Variants in DOCK8 observed in about 807,000 individuals in gnomAD.
DOCK8 encodes the protein dedicator of cytokinesis 8.
In DOCK8, 141 loss-of-function variants were observed where a neutral mutation model predicts 245.6. The observed-to-expected ratio is 0.57, with a 90% CI of 0.50 to 0.66. The LOEUF is 0.66. Ranked by LOEUF, DOCK8 falls within the 30% of genes least tolerant of loss-of-function variation. The probability of loss-of-function intolerance (pLI) is 0.00; values close to 1 mark genes in which losing one functional copy is unlikely to be tolerated. For missense variants in DOCK8, 2,965 were observed against 2,603.4 expected (o/e 1.14, Z -3.02); for synonymous variants, 1,168 against 970.2 (o/e 1.20, Z -3.79).
chr9:236,786 C>G (rs2047260448), intron 1 of DOCK8, among the ~76,000 whole-genome samples: 1 of 152,186 alleles, frequency 6.6e-6, no homozygotes, highest in Non-Finnish European at 1.5e-5. Context: ...CTCAGGGACC[C>G]AGGCTGCTTC....
At chr9:361,436 A>C (rs1005388413) in intron 14 of DOCK8, among the ~76,000 whole-genome samples, 1 of 152,192 alleles carries the variant, frequency 6.6e-6, no homozygotes, top group African/African-American at 2.4e-5. Flanking sequence ...CATCTTAATT[A>C]GTATCATACT....
At chr9:327,410 T>G (rs906664576) in intron 8 of DOCK8, among the ~76,000 whole-genome samples, 3 of 151,300 alleles carry the variant, frequency 2.0e-5, no homozygotes, top group African/African-American at 4.9e-5. Context: ...TTTTTTTTTT[T>G]TGAGTCAGGG....
chr9:400,636 C>A (rs111216805), intron 26 of DOCK8, among the ~76,000 whole-genome samples: 87 of 129,204 alleles, frequency 6.7e-4, no homozygotes, highest in Non-Finnish European at 7.5e-4. Context: ...TCACCACCAC[C>A]TCCACCATCA....
intron 1 of DOCK8, among the ~76,000 whole-genome samples, chr9:242,356 G>T (rs1023591730): frequency 1.1e-4 from 16 of 152,104 alleles, no homozygotes; most frequent in African/African-American, 3.6e-4. Flanking sequence ...GTCTACTGTG[G>T]AATGCTTATA....
chr9:400,034 C>CCATCACCACCACCACCGCCACCAT (rs1308908218), intron 26 of DOCK8, among the ~76,000 whole-genome samples: 8 of 91,924 alleles, frequency 8.7e-5, no homozygotes, highest in African/African-American at 3.4e-4. Flanking sequence ...TCCACCATCA[C>CCATCACCACCACCACCGCCACCAT]CACCACCACC....
At chr9:362,011 G>C (rs559440474) in intron 14 of DOCK8, among the ~76,000 whole-genome samples, 1 of 152,092 alleles carries the variant, frequency 6.6e-6, no homozygotes, top group Non-Finnish European at 1.5e-5. Context: ...GCAGCAGCAA[G>C]GGTTGTTCGA....
chr9:311,695 C>A (rs920598379), intron 5 of DOCK8, among the ~76,000 whole-genome samples: 2 of 152,146 alleles, frequency 1.3e-5, no homozygotes, highest in Non-Finnish European at 2.9e-5. Flanking sequence ...GTTTTTAGTC[C>A]TTTCCTCAGG....
intron 14 of DOCK8, among the ~76,000 whole-genome samples, chr9:346,304 C>G (rs1586758888): frequency 6.6e-6 from 1 of 152,222 alleles, no homozygotes; most frequent in East Asian, 1.9e-4. Flanking sequence ...GACCCAACAG[C>G]TGGTACTAGA....
chr9:368,316 C>G, intron 15 of DOCK8, 181 bp downstream of exon 15: 1 of 743,348 alleles, frequency 1.3e-6, no homozygotes. Flanking sequence ...TCTTACTTGA[C>G]GATCTCTTTC....
At chr9:459,775 T>A (rs1231921022) in intron 46 of DOCK8, 1 of 152,366 alleles carries the variant, frequency 6.6e-6, no homozygotes, top group Non-Finnish European at 1.5e-5. Context: ...CAGCAGGGGC[T>A]CCTCCTCTCT....
At chr9:371,611 C>T in intron 17 of DOCK8, 45 bp downstream of exon 17, 1 of 1,613,018 alleles carries the variant, frequency 6.2e-7, no homozygotes, top group African/African-American at 1.3e-5. Context: ...GTTGTTGGTG[C>T]ATCTGAGGTC....
intron 39 of DOCK8, 27 bp from the exon 40 acceptor site, chr9:439,218 C>G (rs1431986540): frequency 3.2e-5 from 51 of 1,614,114 alleles, no homozygotes; most frequent in Non-Finnish European, 4.2e-5. Flanking sequence ...GCCCTGTTCT[C>G]CAGGCTTATA....
At chr9:272,940 T>G (rs1295025815) in intron 2 of DOCK8, 2 of 668,474 alleles carry the variant, frequency 3.0e-6, no homozygotes, top group African/African-American at 3.9e-5. Context: ...TTGCTGGTTC[T>G]GCTGCTTATC....
At chr9:344,188 C>G (rs564221573) in intron 14 of DOCK8, among the ~76,000 whole-genome samples, 3 of 152,308 alleles carry the variant, frequency 2.0e-5, no homozygotes, top group African/African-American at 7.2e-5. Flanking sequence ...GAAGAGATTT[C>G]TCTCCAGTTT....
chr9:220,373 A>C (rs1367913172), intron 1 of DOCK8, among the ~76,000 whole-genome samples: 1 of 152,208 alleles, frequency 6.6e-6, no homozygotes, highest in African/African-American at 2.4e-5. Flanking sequence ...GATGAAGCTA[A>C]TGTTTACTTC....
intron 42 of DOCK8, 113 bp from the exon 43 acceptor site, chr9:443,314 C>G: frequency 1.0e-6 from 1 of 997,568 alleles, no homozygotes; most frequent in Non-Finnish European, 1.6e-6. Context: ...TCTCAATAAT[C>G]AGTGAACATC....
intron 24 of DOCK8, among the ~76,000 whole-genome samples, chr9:391,909 C>G (rs1396950488): frequency 6.9e-6 from 1 of 145,876 alleles, no homozygotes; most frequent in African/African-American, 2.6e-5. Context: ...GAGGCTGAGG[C>G]AGGCAGGTCA....
upstream of DOCK8, chr9:212,746 G>C (rs1403257878): frequency 6.6e-6 from 1 of 152,210 alleles, no homozygotes; most frequent in Non-Finnish European, 1.5e-5. Context: ...AGTATGATCT[G>C]AGGCAAGATG....
intron 20 of DOCK8, among the ~76,000 whole-genome samples, chr9:379,334 T>C (rs2053643793): frequency 6.6e-6 from 1 of 152,162 alleles, no homozygotes; most frequent in African/African-American, 2.4e-5. Flanking sequence ...CAAATCATAG[T>C]GTCCACAACA....
Sources: allele counts gnomAD v4.1 joint callset (sites outside exome capture counted in the v4.1 genomes callset), GRCh38; gene constraint gnomAD v4.1.1; transcripts MANE v1.5; gene names NCBI Gene and HGNC (gene_info 2026-07-23, HGNC 2026-07-21).